IGF1R: variants seen among roughly 807,000 people sequenced by gnomAD.
The protein encoded by IGF1R is insulin like growth factor 1 receptor.
In IGF1R, 44 loss-of-function variants were observed where a neutral mutation model predicts 144.6. That is an observed-to-expected ratio of 0.30 (90% CI 0.24 to 0.39). The LOEUF (loss-of-function observed/expected upper bound fraction) is 0.39. Ranked by LOEUF, IGF1R falls within the 10% of genes least tolerant of loss-of-function variation. The pLI is 1.00. For missense variants in IGF1R, 1,355 were observed against 1,833.7 expected, an observed-to-expected ratio of 0.74 and a Z score of 4.77; for synonymous variants, 795 against 722.8, an observed-to-expected ratio of 1.10 and a Z score of -1.60.
intron 2 of IGF1R, among the ~76,000 whole-genome samples, chr15:98,754,854 G>C (rs1467228066): frequency 6.6e-6 from 1 of 152,162 alleles, no homozygotes; most frequent in East Asian, 1.9e-4. Context: ...TACTCAATGA[G>C]GTCAGGATTC....
At chr15:98,885,897 A>G (rs981589634) in intron 2 of IGF1R, among the ~76,000 whole-genome samples, 7 of 150,582 alleles carry the variant, frequency 4.6e-5, no homozygotes, top group African/African-American at 1.2e-4. Flanking sequence ...GCTCACTGCA[A>G]CCTCCGCCTC....
At chr15:98,859,901 C>T (rs1329038845) in intron 2 of IGF1R, among the ~76,000 whole-genome samples, 3 of 152,124 alleles carry the variant, frequency 2.0e-5, no homozygotes, top group Non-Finnish European at 2.9e-5. Context: ...GGTTTCATGA[C>T]CACATGGGTA....
chr15:98,929,701 TG>T, intron 14 of IGF1R, 41 bp downstream of exon 14: 1 of 1,338,098 alleles, frequency 7.5e-7, no homozygotes, highest in Non-Finnish European at 1.1e-6. Context: ...TGTGGCTGAG[TG>T]GTTTGATGAT....
rs374392855 is a variant in IGF1R, at chr15:98,739,804, C to G, written c.640+31697C>G. On this transcript the variant is annotated intron_variant, in intron 2 of 20. Coordinates refer to ENST00000650285, the MANE Select transcript of IGF1R (RefSeq NM_000875.5). Reference sequence around the variant, plus strand: ...ATGGGGTTTCACCATGTTGCCCAGGCTGTTCTCGAATTCCTGAGCTCAAGC... The same window carrying G: ...ATGGGGTTTCACCATGTTGCCCAGGGTGTTCTCGAATTCCTGAGCTCAAGC... 7.2e-4 allele frequency among the ~76,000 whole-genome samples: 109 copies of G among 152,288 alleles called. 1 individual carries two copies. Among genetic ancestry groups the G allele is most frequent in the African/African-American group, 2.5e-3 (103 of 41,560 alleles).
chr15:98,946,027 T>C (rs933528325), intron 19 of IGF1R, among the ~76,000 whole-genome samples: 7 of 151,918 alleles, frequency 4.6e-5, no homozygotes, highest in Non-Finnish European at 8.8e-5. Flanking sequence ...ATGATGACGA[T>C]GACGACGATG....
At chr15:98,692,643 C>G (rs1280332232) in intron 1 of IGF1R, among the ~76,000 whole-genome samples, 1 of 152,176 alleles carries the variant, frequency 6.6e-6, no homozygotes, top group Non-Finnish European at 1.5e-5. Context: ...GTACCAAGCT[C>G]TCATTAACAA....
chr15:98,809,538 G>A (rs957034399), intron 2 of IGF1R, among the ~76,000 whole-genome samples: 24 of 152,300 alleles, frequency 1.6e-4, no homozygotes, highest in African/African-American at 5.1e-4. Context: ...AACTGGCAGC[G>A]CGTTGGCATT....
intron 2 of IGF1R, among the ~76,000 whole-genome samples, chr15:98,808,675 A>ACTTT (rs1555447767): frequency 6.9e-6 from 1 of 145,624 alleles, no homozygotes; most frequent in African/African-American, 2.6e-5. Flanking sequence ...TTCTTGAAAG[A>ACTTT]TTTTTTTTTT....
At chr15:98,919,404 G>A (rs780678592) in intron 10 of IGF1R, among the ~76,000 whole-genome samples, 7 of 152,236 alleles carry the variant, frequency 4.6e-5, no homozygotes, top group Non-Finnish European at 7.3e-5. Context: ...CCAACCAGCA[G>A]GAGGTTCGGG....
At chr15:98,864,614 G>A (rs1323478014) in intron 2 of IGF1R, among the ~76,000 whole-genome samples, 1 of 152,138 alleles carries the variant, frequency 6.6e-6, no homozygotes, top group Non-Finnish European at 1.5e-5. Context: ...TTGAACTCCT[G>A]GCCTCAAGCT....
intron 2 of IGF1R, among the ~76,000 whole-genome samples, chr15:98,777,966 CTT>C (rs1270857880): frequency 6.6e-6 from 1 of 152,138 alleles, no homozygotes; most frequent in Non-Finnish European, 1.5e-5. Flanking sequence ...CATAGATGCT[CTT>C]TTGTTTTTGA....
chr15:98,805,491 CTGTGTGTGTATGGTGTG>C (rs1436208180), intron 2 of IGF1R, among the ~76,000 whole-genome samples: 1 of 151,662 alleles, frequency 6.6e-6, no homozygotes, highest in African/African-American at 2.4e-5. Flanking sequence ...AAAAGGGTGC[CTGTGTGTGTATGGTGTG>C]TGTGTGTGTG....
chr15:98,719,311 C>T (rs1464642544), intron 2 of IGF1R, among the ~76,000 whole-genome samples: 1 of 152,076 alleles, frequency 6.6e-6, no homozygotes, highest in Non-Finnish European at 1.5e-5. Flanking sequence ...CAGCACCATC[C>T]GTTGGGTCTC....
rs2017344714 is a variant in IGF1R, at chr15:98,964,354, T to C, written c.*6912T>C. The stretch of plus-strand genomic sequence containing the variant: ...AAAAATTTCAAAATGTTTTTGTATA[T>C]TCTGTTGTAAGAATTTATTCCTGTT... On this transcript the variant is annotated 3_prime_UTR_variant, in exon 21 of 21. Coordinates refer to ENST00000650285, the MANE Select transcript of IGF1R (RefSeq NM_000875.5). 4.3e-6 allele frequency: 1 copy of C among 230,832 alleles called. No individual in the cohort carries two copies. The highest frequency in any genetic ancestry group is 1.8e-4 in the South Asian group (1 of 5,524). 14.3% of individuals were successfully genotyped at this position (230,832 alleles called of 1,614,324 possible).
rs567053248 is a variant in IGF1R at position 98,765,825 on chromosome 15, C to G, written c.640+57718C>G. Among the ~76,000 whole-genome samples, 116 of 152,296 alleles carry G rather than the reference C, an allele frequency of 7.6e-4. 1 individual carries two copies. Among genetic ancestry groups the G allele is most frequent in the African/African-American group, 2.7e-3 (114 of 41,566 alleles). On this transcript the variant is annotated intron_variant, in intron 2 of 20. Coordinates refer to ENST00000650285, the MANE Select transcript of IGF1R (RefSeq NM_000875.5). ...CCACTCCTTCTCAGCCAGTGTGCAC[C>G]TGGAGTCAGCTGTGTTTGGCCTTAA... is the stretch of plus-strand genomic sequence containing the variant.
chr15:98,869,288 A>C (rs1250681741), intron 2 of IGF1R, among the ~76,000 whole-genome samples: 1 of 125,092 alleles, frequency 8.0e-6, no homozygotes, highest in Non-Finnish European at 1.6e-5. Flanking sequence ...ACAGCTTTCA[A>C]TTAAAAAAAA....
intron 20 of IGF1R, among the ~76,000 whole-genome samples, chr15:98,951,915 C>T (rs1464431706): frequency 6.6e-6 from 1 of 152,232 alleles, no homozygotes; most frequent in Admixed American, 6.5e-5. Flanking sequence ...GCTAGCGTGG[C>T]TGTGTTCCAA....
At chr15:98,803,310 C>T (rs757931531) in intron 2 of IGF1R, among the ~76,000 whole-genome samples, 2 of 151,938 alleles carry the variant, frequency 1.3e-5, no homozygotes, top group African/African-American at 4.8e-5. Context: ...TGAATCTAAG[C>T]ATAGATAAGG....
chr15:98,806,297 A>G (rs973724060), intron 2 of IGF1R, among the ~76,000 whole-genome samples: 5 of 151,852 alleles, frequency 3.3e-5, no homozygotes, highest in African/African-American at 9.7e-5. Flanking sequence ...AGAAGGTGGG[A>G]CTCCAGCGGC....
Sources: allele counts gnomAD v4.1 joint callset (sites outside exome capture counted in the v4.1 genomes callset), GRCh38; gene constraint gnomAD v4.1.1; transcripts MANE v1.5; gene names NCBI Gene and HGNC (gene_info 2026-07-23, HGNC 2026-07-21).